Variants in NCOA1 observed in about 807,000 individuals in gnomAD.
The protein encoded by NCOA1 is nuclear receptor coactivator 1.
NCOA1 carries 35 observed loss-of-function variants against 150.9 expected under a neutral mutation model. The observed-to-expected ratio is 0.23, with a 90% CI of 0.18 to 0.31. The LOEUF (loss-of-function observed/expected upper bound fraction) is 0.31, where lower values mean the gene tolerates loss of function less well. Among genes scored for constraint, NCOA1 ranks in the 10% least tolerant of loss-of-function variants. The probability of loss-of-function intolerance (pLI) is 1.00; values close to 1 mark genes in which losing one functional copy is unlikely to be tolerated. For missense variants in NCOA1, 1,491 were observed against 1,749.3 expected (o/e 0.85, Z 2.63); for synonymous variants, 590 against 630.0 (o/e 0.94, Z 0.95).
intron 14 of NCOA1, among the ~76,000 whole-genome samples, chr2:24,715,642 C>T (rs1193982592): frequency 6.6e-6 from 1 of 151,996 alleles, no homozygotes; most frequent in African/African-American, 2.4e-5. Context: ...AAGCAATTTA[C>T]AAAATACATA....
At chr2:24,570,228 A>G (rs62142285) in intron 2 of NCOA1, among the ~76,000 whole-genome samples, 22,748 of 152,114 alleles carry the variant, frequency 0.15, 2,050 homozygotes, top group Non-Finnish European at 0.2. Flanking sequence ...AACAAGAAAG[A>G]AACCAGCTGA....
At chr2:24,613,741 G>A (rs1002649581) in intron 3 of NCOA1, among the ~76,000 whole-genome samples, 8 of 152,080 alleles carry the variant, frequency 5.3e-5, no homozygotes, top group Admixed American at 2.6e-4. Flanking sequence ...CCGGGAATGG[G>A]GCAGAGAGTG....
intron 1 of NCOA1, among the ~76,000 whole-genome samples, chr2:24,523,350 T>C (rs887667789): frequency 3.9e-5 from 6 of 152,094 alleles, no homozygotes; most frequent in Non-Finnish European, 7.4e-5. Flanking sequence ...CTCACGCCTG[T>C]AATCCCAGCA....
At chr2:24,684,562 A>G (rs1421631455) in intron 8 of NCOA1, among the ~76,000 whole-genome samples, 1 of 152,228 alleles carries the variant, frequency 6.6e-6, no homozygotes, top group East Asian at 1.9e-4. Flanking sequence ...TGCTTACAAG[A>G]CAGTGATCCT....
chr2:24,674,417 A>G (rs1383788774), intron 7 of NCOA1, among the ~76,000 whole-genome samples: 1 of 152,122 alleles, frequency 6.6e-6, no homozygotes, highest in Non-Finnish European at 1.5e-5. Context: ...CGTGTTAGCC[A>G]GGATGGTCTC....
intron 16 of NCOA1, 61 bp downstream of exon 16, chr2:24,728,537 T>C (rs752284855): frequency 6.8e-5 from 98 of 1,449,112 alleles, no homozygotes; most frequent in Non-Finnish European, 8.7e-5. Flanking sequence ...AAAATTATTT[T>C]AAGCAAGATT....
chr2:24,761,757 T>C (rs1277699322), intron 21 of NCOA1, among the ~76,000 whole-genome samples: 1 of 151,552 alleles, frequency 6.6e-6, no homozygotes, highest in Non-Finnish European at 1.5e-5. Flanking sequence ...CTTGGAAGTT[T>C]GATCCTTGCT....
Position 24,752,074 on chromosome 2 carries a change from C to T in NCOA1, c.3799C>T (p.Leu1267Phe), listed in dbSNP as rs1664276550. Residue 1267 changes from leucine (L) to phenylalanine (F), a missense_variant, in exon 20 of 23, where the codon CTT becomes TTT. This residue lies in a region of NCOA1 where 485 missense variants were observed against 522.8 expected (regional missense o/e 0.93). Coordinates refer to ENST00000348332, the MANE Select transcript of NCOA1 (RefSeq NM_003743.5). ...GCCAATCCCTCCTCCTCAGAGTTCTCTTCTCCAGCAAACTCCACCTGCCTC... is the reference window on the plus strand; with the variant it reads ...GCCAATCCCTCCTCCTCAGAGTTCTTTTCTCCAGCAAACTCCACCTGCCTC... ...PMPIPPPQSS[L>F]LQQTPPASGY... is the part of the protein sequence containing the mutation. 7 of 1,614,080 alleles carry T rather than the reference C, an allele frequency of 4.3e-6. No individual in the cohort carries two copies. The African/African-American group carries it at 5.3e-5, about 12-fold the overall frequency.
intron 1 of NCOA1, among the ~76,000 whole-genome samples, chr2:24,494,951 A>G (rs1050769786): frequency 5.9e-5 from 9 of 152,204 alleles, no homozygotes; most frequent in Non-Finnish European, 1.5e-5. Flanking sequence ...GATGAGGTCT[A>G]GTCATTTAAA....
intron 3 of NCOA1, among the ~76,000 whole-genome samples, chr2:24,636,998 T>G (rs7582565): frequency 0.042 from 6,413 of 152,120 alleles, 214 homozygotes; most frequent in African/African-American, 0.092. Context: ...TGTATGGTGA[T>G]GAGCTCAGGA....
intron 2 of NCOA1, among the ~76,000 whole-genome samples, chr2:24,579,617 C>T (rs1309611931): frequency 1.3e-5 from 2 of 152,080 alleles, no homozygotes; most frequent in African/African-American, 4.8e-5. Context: ...ATCATGTTTC[C>T]CTTAAGAGTT....
chr2:24,618,567 T>A (rs1431242368), intron 3 of NCOA1, among the ~76,000 whole-genome samples: 1 of 152,132 alleles, frequency 6.6e-6, no homozygotes, highest in African/African-American at 2.4e-5. Flanking sequence ...GCATGGATAG[T>A]TATGCAGATT....
chr2:24,652,503 A>G (rs947260121), intron 4 of NCOA1, among the ~76,000 whole-genome samples: 4 of 152,134 alleles, frequency 2.6e-5, no homozygotes, highest in African/African-American at 9.7e-5. Context: ...TTTTAAATAT[A>G]TTATTAGAAA....
chr2:24,683,168 T>C, intron 8 of NCOA1, 40 bp downstream of exon 8: 1 of 1,321,434 alleles, frequency 7.6e-7, no homozygotes, highest in Non-Finnish European at 1.0e-6. Flanking sequence ...ACTAGCTCTC[T>C]GTATCTTCTC....
intron 8 of NCOA1, among the ~76,000 whole-genome samples, chr2:24,687,061 T>G (rs1361959438): frequency 6.6e-6 from 1 of 152,146 alleles, no homozygotes; most frequent in Non-Finnish European, 1.5e-5. Context: ...GCTCTTCTCT[T>G]GGCTCCTTAT....
intron 3 of NCOA1, among the ~76,000 whole-genome samples, chr2:24,597,144 G>GT (rs1438033065): frequency 1.3e-5 from 2 of 152,092 alleles, no homozygotes; most frequent in Admixed American, 1.3e-4. Context: ...GGGTTCTATT[G>GT]ATATAGGAAC....
At chr2:24,566,935 G>C (rs2148269203) in intron 2 of NCOA1, among the ~76,000 whole-genome samples, 1 of 152,350 alleles carries the variant, frequency 6.6e-6, no homozygotes, top group South Asian at 2.1e-4. Context: ...AGAGTGCAGA[G>C]AAGTCTGGGT....
chr2:24,702,350 A>G (rs1673204966), intron 11 of NCOA1, among the ~76,000 whole-genome samples: 1 of 152,136 alleles, frequency 6.6e-6, no homozygotes, highest in African/African-American at 2.4e-5. Flanking sequence ...TTTTCTGCAT[A>G]TATTTAGGTG....
chr2:24,498,126 T>G (rs966644559), intron 1 of NCOA1, among the ~76,000 whole-genome samples: 7 of 152,256 alleles, frequency 4.6e-5, no homozygotes, highest in African/African-American at 1.2e-4. Flanking sequence ...ATATTGACTT[T>G]ACTTTGGTGA....
Sources: gnomAD v4.1 joint callset for allele counts (sites outside exome capture counted in the v4.1 genomes callset) on GRCh38, gnomAD v4.1.1 for gene constraint, gnomAD v4.1.1 regional missense constraint, MANE v1.5 for transcripts, NCBI Gene and HGNC (gene_info 2026-07-23, HGNC 2026-07-21) for gene names.